The following PRH1 variants were observed in gnomAD, a reference collection of about 807,000 sequenced individuals.
PRH1 encodes salivary acidic proline-rich phosphoprotein 1/2.
A neutral mutation model predicts 7.9 loss-of-function variants in PRH1; 7 were observed. That is an observed-to-expected ratio of 0.89 (90% confidence interval 0.50 to 1.67). The LOEUF (loss-of-function observed/expected upper bound fraction) is 1.67, where lower values mean the gene tolerates loss of function less well. Among genes scored for constraint, PRH1 ranks in the 40% most tolerant of loss-of-function variants. PRH1 has a pLI of 0.00. For synonymous variants in PRH1, 45 were observed against 80.8 expected, an observed-to-expected ratio of 0.56 and a Z score of 2.38; for missense variants, 109 against 223.6, an observed-to-expected ratio of 0.49 and a Z score of 3.27.
At chr12:10,931,319 G>A (rs1278858457) in intron 2 of PRH1, among the ~76,000 whole-genome samples, 1 of 152,066 alleles carries the variant, frequency 6.6e-6, no homozygotes, top group Non-Finnish European at 1.5e-5. Context: ...AATAGGGTTG[G>A]GAATGAGGAC....
At chr12:11,145,962 T>C (rs1169751585) in intron 1 of PRH1, among the ~76,000 whole-genome samples, 1 of 152,146 alleles carries the variant, frequency 6.6e-6, no homozygotes. Context: ...AATCATTTTA[T>C]GATTATTTTT....
At chr12:11,138,549 AAT>A (rs1946619712) in intron 1 of PRH1, among the ~76,000 whole-genome samples, 2 of 152,292 alleles carry the variant, frequency 1.3e-5, no homozygotes, top group South Asian at 4.1e-4. Context: ...CTATATATGT[AAT>A]ATCCATCTTA....
chr12:10,909,239 C>T lies in PRH1; in HGVS notation c.-58-24964G>A, dbSNP rs780607686. The T allele has an allele frequency of 5.6e-6, 9 of 1,613,578 alleles. 1 individual carries two copies. The highest frequency in any genetic ancestry group is 4.4e-5 in the South Asian group (4 of 91,036). ...GTACTATAAATCCATTGCTCAAATT[C>T]CCAATTATGAATTCTGCAATTATTA... On this transcript the variant is annotated intron_variant, in intron 2 of 3. Transcript: ENST00000539853.
At chr12:11,139,914 TAA>T (rs958936109) in intron 1 of PRH1, among the ~76,000 whole-genome samples, 3 of 152,050 alleles carry the variant, frequency 2.0e-5, no homozygotes, top group African/African-American at 7.2e-5. Context: ...ATAAGTAACG[TAA>T]GAGTAATATT....
intron 1 of PRH1, among the ~76,000 whole-genome samples, chr12:11,141,518 C>A (rs1220650554): frequency 6.6e-6 from 1 of 152,128 alleles, no homozygotes; most frequent in African/African-American, 2.4e-5. Context: ...TGGAGTCAGA[C>A]TGCCAAGACA....
intron 1 of PRH1, among the ~76,000 whole-genome samples, chr12:10,883,949 T>C (rs1356833847): frequency 1.3e-5 from 2 of 152,186 alleles, no homozygotes; most frequent in Non-Finnish European, 2.9e-5. Flanking sequence ...GTACGAATTC[T>C]TTATTGGATT....
chr12:10,938,556 T>A (rs1950331512), intron 2 of PRH1: 1 of 1,614,032 alleles, frequency 6.2e-7, no homozygotes, highest in Non-Finnish European at 8.5e-7. Context: ...TCTCCGGATA[T>A]TTTGACAGTG....
intron 2 of PRH1, among the ~76,000 whole-genome samples, chr12:10,939,551 G>T (rs139526440): frequency 1.3e-3 from 158 of 123,214 alleles, no homozygotes; most frequent in South Asian, 4.3e-3. Context: ...TGGTTTGTGT[G>T]TTTTTTTTTT....
intron 1 of PRH1, chr12:11,030,794 G>C: frequency 6.6e-7 from 1 of 1,518,726 alleles, no homozygotes; most frequent in East Asian, 2.4e-5. Context: ...GTTTCCTAGC[G>C]TGGTTACAGT....
chr12:11,017,516 G>A (rs1354281807), intron 1 of PRH1, among the ~76,000 whole-genome samples: 4 of 151,844 alleles, frequency 2.6e-5, no homozygotes, highest in African/African-American at 4.8e-5. Flanking sequence ...ATAGAGTCTC[G>A]CTCTGTTGCC....
chr12:10,900,366 G>C (rs967947669), intron 2 of PRH1, among the ~76,000 whole-genome samples: 1 of 152,216 alleles, frequency 6.6e-6, no homozygotes, highest in African/African-American at 2.4e-5. Context: ...CCAGGACTGA[G>C]AGCAGGATAC....
chr12:10,910,832 T>A (rs1258301907), intron 2 of PRH1, among the ~76,000 whole-genome samples: 2 of 152,242 alleles, frequency 1.3e-5, no homozygotes, highest in Admixed American at 6.5e-5. Context: ...AATAAAGATA[T>A]AATTTGTGAA....
intron 2 of PRH1, among the ~76,000 whole-genome samples, chr12:10,893,238 T>C (rs180769176): frequency 3.3e-5 from 5 of 152,308 alleles, no homozygotes; most frequent in Admixed American, 2.0e-4. Context: ...TCAGTTCAAT[T>C]TGAATTTCAA....
chr12:10,945,306 C>T lies in PRH1; in HGVS notation c.-59+28349G>A, dbSNP rs528630410. Reference sequence around the variant, plus strand: ...GGGAGTATCGGGTGAAATTCACCCCCGATATTTCACTTAGGTTCTTTTCTA... The same window carrying T: ...GGGAGTATCGGGTGAAATTCACCCCTGATATTTCACTTAGGTTCTTTTCTA... On this transcript the variant is annotated intron_variant, in intron 2 of 3. Coordinates refer to the PRH1 transcript ENST00000539853. 5.3e-5 allele frequency among the ~76,000 whole-genome samples: 8 copies of T among 151,928 alleles called. No individual in the cohort carries two copies. In the South Asian group the frequency reaches 6.3e-4, roughly 12 times the overall value.
chr12:11,170,318 G>A (rs905944557), intron 1 of PRH1, among the ~76,000 whole-genome samples: 1 of 152,064 alleles, frequency 6.6e-6, no homozygotes, highest in African/African-American at 2.4e-5. Flanking sequence ...AGGCTGAGGC[G>A]GGCAGATCAC....
intron 1 of PRH1, among the ~76,000 whole-genome samples, chr12:11,061,153 G>A (rs1354319354): frequency 6.6e-6 from 1 of 152,030 alleles, no homozygotes; most frequent in African/African-American, 2.4e-5. Flanking sequence ...CACTGTCAAT[G>A]TTCTTTTGTT....
At chr12:10,901,989 C>T (rs1053704795) in intron 2 of PRH1, among the ~76,000 whole-genome samples, 6 of 152,064 alleles carry the variant, frequency 3.9e-5, no homozygotes, top group African/African-American at 1.2e-4. Flanking sequence ...CAAAGGAGCA[C>T]AGTACCTCTC....
At chr12:11,170,310 G>A (rs1199648216) in intron 1 of PRH1, among the ~76,000 whole-genome samples, 1 of 152,212 alleles carries the variant, frequency 6.6e-6, no homozygotes, top group Non-Finnish European at 1.5e-5. Context: ...ACTTTGGGAG[G>A]CTGAGGCGGG....
chr12:11,064,958 T>G (rs865805242), intron 1 of PRH1, among the ~76,000 whole-genome samples: 1 of 151,920 alleles, frequency 6.6e-6, no homozygotes, highest in East Asian at 1.9e-4. Flanking sequence ...GATGGTTTGA[T>G]CCCGGGAGTT....
Sources: allele counts gnomAD v4.1 joint callset (sites outside exome capture counted in the v4.1 genomes callset), GRCh38; gene constraint gnomAD v4.1.1; transcripts MANE v1.5; gene names NCBI Gene and HGNC (gene_info 2026-07-23, HGNC 2026-07-21).